UBE2R2: variants seen among roughly 807,000 people sequenced by gnomAD.
The protein encoded by UBE2R2 is ubiquitin-conjugating enzyme E2 R2.
Under a neutral mutation model 27.8 loss-of-function variants are expected in UBE2R2, and 1 was observed. That is an observed-to-expected ratio of 0.04 (90% CI 0.01 to 0.17). The LOEUF is 0.17. Ranked by LOEUF, UBE2R2 falls within the 10% of genes least tolerant of loss-of-function variation. The pLI, the probability that UBE2R2 is intolerant of heterozygous loss-of-function variation, is 1.00. For synonymous variants in UBE2R2, 106 were observed against 113.3 expected (o/e 0.94, Z 0.41); for missense variants, 100 against 291.0 (o/e 0.34, Z 4.78).
intron 1 of UBE2R2, among the ~76,000 whole-genome samples, chr9:33,861,727 A>G (rs568023757): frequency 1.3e-5 from 2 of 152,316 alleles, no homozygotes; most frequent in Non-Finnish European, 2.9e-5. Flanking sequence ...TATTTAAGGT[A>G]AACTTGAATG....
chr9:33,857,180 G>C (rs12338752), intron 1 of UBE2R2, among the ~76,000 whole-genome samples: 1 of 151,252 alleles, frequency 6.6e-6, no homozygotes, highest in Admixed American at 6.6e-5. Flanking sequence ...GCAGGCATGA[G>C]CCACCCTGCC....
rs144624917 is a variant in UBE2R2 at position 33,877,003 on chromosome 9, G to T, written c.178-9878G>T. Among the ~76,000 whole-genome samples the T allele has an allele frequency of 3.1e-3, 475 of 152,016 alleles. 3 individuals carry two copies. Among genetic ancestry groups the T allele is most frequent in the African/African-American group, 0.011 (440 of 41,482 alleles). The stretch of plus-strand genomic sequence containing the variant: ...ACTAAAAATAACAAAAATTAGCCAG[G>T]CATGTTGGCACATGCCTGTAATCCC... On this transcript the variant is annotated intron_variant, in intron 1 of 4. Transcript: ENST00000263228.
intron 1 of UBE2R2, among the ~76,000 whole-genome samples, chr9:33,856,781 A>G (rs572685252): frequency 5.3e-5 from 8 of 150,614 alleles, no homozygotes; most frequent in Non-Finnish European, 1.0e-4. Flanking sequence ...TTCTATTAGA[A>G]CTGTAAAACC....
chr9:33,872,317 C>G (rs1009901860), intron 1 of UBE2R2, among the ~76,000 whole-genome samples: 2 of 151,068 alleles, frequency 1.3e-5, no homozygotes, highest in Non-Finnish European at 3.0e-5. Context: ...CACTTGAGCC[C>G]AGAAGATTGA....
chr9:33,834,142 TC>T (rs1328750940), intron 1 of UBE2R2, among the ~76,000 whole-genome samples: 1 of 152,056 alleles, frequency 6.6e-6, no homozygotes, highest in Admixed American at 6.6e-5. Context: ...TTTAGACAAT[TC>T]CTACCAGCTC....
intron 1 of UBE2R2, among the ~76,000 whole-genome samples, chr9:33,820,724 G>A (rs972867898): frequency 3.9e-5 from 6 of 152,168 alleles, no homozygotes; most frequent in South Asian, 4.1e-4. Flanking sequence ...ATAGTCATTC[G>A]TGAAGGCAGT....
intron 2 of UBE2R2, among the ~76,000 whole-genome samples, chr9:33,895,623 G>A (rs1822084999): frequency 6.6e-6 from 1 of 152,058 alleles, no homozygotes; most frequent in South Asian, 2.1e-4. Flanking sequence ...GAATGAACCT[G>A]TAGATCAAAC....
chr9:33,884,768 CT>C (rs949754325), intron 1 of UBE2R2, among the ~76,000 whole-genome samples: 9 of 148,450 alleles, frequency 6.1e-5, no homozygotes, highest in Non-Finnish European at 7.5e-5. Context: ...TCTATTGATT[CT>C]TTTTTTTTTC....
intron 1 of UBE2R2, among the ~76,000 whole-genome samples, chr9:33,863,465 T>C (rs1200605133): frequency 2.0e-5 from 3 of 151,280 alleles, no homozygotes; most frequent in Non-Finnish European, 4.4e-5. Flanking sequence ...TGAGCCGAGA[T>C]CAAGATTGCG....
chr9:33,831,074 C>CAAAAAA (rs60428230), intron 1 of UBE2R2: 192 of 87,850 alleles, frequency 2.2e-3, no homozygotes, highest in Non-Finnish European at 2.9e-3. Flanking sequence ...ACTGAACTAG[C>CAAAAAA]AAAAAAAAAA....
Position 33,825,175 on chromosome 9 carries a change from C to T in UBE2R2, c.177+7241C>T, listed in dbSNP as rs575238751. ...TTTTAAGAATGATCGGCCAGGCGGTCGCCTGTAATCCCAGCACTTTGGGAG... is the reference window on the plus strand; with the variant it reads ...TTTTAAGAATGATCGGCCAGGCGGTTGCCTGTAATCCCAGCACTTTGGGAG... On this transcript the variant is annotated intron_variant, in intron 1 of 4. Transcript: ENST00000263228. 3.1e-4 allele frequency among the ~76,000 whole-genome samples: 47 copies of T among 151,470 alleles called. 1 individual carries two copies. The highest frequency in any genetic ancestry group is 9.7e-4 in the African/African-American group (40 of 41,228).
At chr9:33,865,212 A>G (rs1042239667) in intron 1 of UBE2R2, among the ~76,000 whole-genome samples, 4 of 148,150 alleles carry the variant, frequency 2.7e-5, no homozygotes, top group Admixed American at 6.8e-5. Flanking sequence ...CTATCTATCT[A>G]TTTTTTTAAG....
intron 1 of UBE2R2, among the ~76,000 whole-genome samples, chr9:33,862,818 G>A (rs1193810045): frequency 6.6e-6 from 1 of 151,928 alleles, no homozygotes; most frequent in East Asian, 1.9e-4. Flanking sequence ...CATATAAACA[G>A]TATGTTTTGT....
At position 33,912,182 on chromosome 9, in the gene UBE2R2, C is replaced by T. The variant is rs1258898671; in HGVS notation, c.497+84C>T. The T allele has an allele frequency of 1.5e-5, 18 of 1,164,234 alleles. No homozygotes were observed. In the East Asian group the frequency reaches 4.4e-4, roughly 29 times the overall value. 72.1% of individuals were successfully genotyped at this position (1,164,234 alleles called of 1,614,324 possible). Reference sequence around the variant, plus strand: ...AAGGGTTTAAATCAAACTTAAATATCCTGTCCATTCCAGGATAATTTTCCT... The same window carrying T: ...AAGGGTTTAAATCAAACTTAAATATTCTGTCCATTCCAGGATAATTTTCCT... On this transcript the variant is annotated intron_variant, in intron 4 of 4. Transcript: ENST00000263228.
intron 1 of UBE2R2, among the ~76,000 whole-genome samples, chr9:33,823,618 T>C (rs982035661): frequency 1.3e-5 from 2 of 151,956 alleles, no homozygotes; most frequent in African/African-American, 4.8e-5. Context: ...TCAGATGATC[T>C]ACCCGCCTTG....
intron 1 of UBE2R2, among the ~76,000 whole-genome samples, chr9:33,878,719 G>A (rs1663994504): frequency 6.6e-6 from 1 of 152,146 alleles, no homozygotes; most frequent in South Asian, 2.1e-4. Context: ...GAGAAACAAA[G>A]GCTTGGTAGA....
At chr9:33,825,766 G>T (rs1820302918) in intron 1 of UBE2R2, among the ~76,000 whole-genome samples, 1 of 152,194 alleles carries the variant, frequency 6.6e-6, no homozygotes, top group Non-Finnish European at 1.5e-5. Flanking sequence ...CTTGCTTAAA[G>T]ATTATATTGA....
chr9:33,861,263 C>G (rs988716040), intron 1 of UBE2R2, among the ~76,000 whole-genome samples: 21 of 150,002 alleles, frequency 1.4e-4, no homozygotes, highest in African/African-American at 4.9e-4. Flanking sequence ...CCTGGCCAAC[C>G]TTGTGTTAAG....
At chr9:33,887,984 A>G (rs1186122136) in intron 2 of UBE2R2, among the ~76,000 whole-genome samples, 1 of 152,186 alleles carries the variant, frequency 6.6e-6, no homozygotes. Context: ...CTACTATTCT[A>G]AAAGTGTGTT....
Sources: allele counts gnomAD v4.1 joint callset (sites outside exome capture counted in the v4.1 genomes callset), GRCh38; gene constraint gnomAD v4.1.1; transcripts MANE v1.5; gene names NCBI Gene and HGNC (gene_info 2026-07-23, HGNC 2026-07-21).